Variants in PLG observed in about 807,000 individuals in gnomAD.
The protein encoded by PLG is plasmin.
PLG carries 41 observed loss-of-function variants against 104.4 expected under a neutral mutation model. The ratio of observed to expected loss-of-function variants is 0.39; its 90% confidence interval spans 0.31 to 0.51. The LOEUF (loss-of-function observed/expected upper bound fraction) is 0.51. Among genes scored for constraint, PLG ranks in the 20% least tolerant of loss-of-function variants. The probability of loss-of-function intolerance (pLI) is 0.76; values close to 1 mark genes in which losing one functional copy is unlikely to be tolerated. For missense variants in PLG, 891 were observed against 1,003.6 expected (o/e 0.89, Z 1.52); for synonymous variants, 337 against 357.1 (o/e 0.94, Z 0.63).
At chr6:160,729,925 C>T (rs1777973104) in intron 10 of PLG, among the ~76,000 whole-genome samples, 2 of 152,208 alleles carry the variant, frequency 1.3e-5, no homozygotes, top group African/African-American at 4.8e-5. Flanking sequence ...GTTTCAAATG[C>T]TCAGCCTTTT....
At position 160,731,735 on chromosome 6, in the gene PLG, C is replaced by T; in HGVS notation, c.1439-10C>T. The T allele has an allele frequency of 1.2e-6, 2 of 1,613,152 alleles. No homozygotes were observed. Among genetic ancestry groups the T allele is most frequent in the Non-Finnish European group, 8.5e-7 (1 of 1,179,314 alleles). The stretch of plus-strand genomic sequence containing the variant: ...GGCTCTTCATAATCATCCATTTTTT[C>T]CCTGTACAGACTGTATGTTTGGGAA... On this transcript the variant is annotated splice_polypyrimidine_tract_variant and intron_variant, in intron 11 of 18. Coordinates refer to ENST00000308192, the MANE Select transcript of PLG (RefSeq NM_000301.5). This position sits in a 1 kb window ranked among gnomAD's most constrained non-coding sequence, Gnocchi z 5.1.
At position 160,744,054 on chromosome 6, in the gene PLG, G is replaced by T. The variant is rs1393133769; in HGVS notation, c.2125+2637G>T. 6.6e-6 allele frequency among the ~76,000 whole-genome samples: 1 copy of T among 152,090 alleles called. No homozygotes were observed. The highest frequency in any genetic ancestry group is 1.9e-4 in the East Asian group (1 of 5,198). ...GGCTTTTTTATGTGCTGCTGGATTTGGTTTGCAAGTATTTTGTAAAGGATT... is the reference window on the plus strand; with the variant it reads ...GGCTTTTTTATGTGCTGCTGGATTTTGTTTGCAAGTATTTTGTAAAGGATT... On this transcript the variant is annotated intron_variant, in intron 17 of 18. Transcript: ENST00000308192. This position sits in a 1 kb window ranked among gnomAD's most constrained non-coding sequence, Gnocchi z 4.5.
At chr6:160,718,504 A>G (rs766317563) in intron 8 of PLG, 48 bp downstream of exon 8, 1 of 1,524,928 alleles carries the variant, frequency 6.6e-7, no homozygotes, top group Non-Finnish European at 9.1e-7. Context: ...GTGAAATCCC[A>G]TTGACTTTGC....
rs1777884314 is a variant in PLG at position 160,723,911 on chromosome 6, A to G, written c.1256+1344A>G. ...AGTAGGATTAGTGTATTCCTATAAT[A>G]AAGGCCACTCCAGAAACAGCATAGT... On this transcript the variant is annotated intron_variant, in intron 10 of 18. Coordinates refer to ENST00000308192, the MANE Select transcript of PLG (RefSeq NM_000301.5). The surrounding 1 kb of genome is among the most constrained non-coding windows in gnomAD (Gnocchi z 4.7). 1.3e-5 allele frequency among the ~76,000 whole-genome samples: 2 copies of G among 152,190 alleles called. No homozygotes were observed. Among genetic ancestry groups the G allele is most frequent in the African/African-American group, 2.4e-5 (1 of 41,454 alleles).
intron 8 of PLG, 76 bp downstream of exon 8, chr6:160,718,532 T>C: frequency 7.2e-7 from 1 of 1,388,518 alleles, no homozygotes; most frequent in East Asian, 2.3e-5. Context: ...TTAGTTACTG[T>C]AGGAACGCAG....
intron 4 of PLG, chr6:160,711,837 G>A (rs1260055206): frequency 6.6e-5 from 95 of 1,445,900 alleles, no homozygotes; most frequent in Non-Finnish European, 8.2e-5. Flanking sequence ...AAATTGTGGA[G>A]CAAAAGAGTA....
At chr6:160,716,815 A>C (rs774217296) in intron 7 of PLG, 52 bp downstream of exon 7, 1 of 1,076,420 alleles carries the variant, frequency 9.3e-7, no homozygotes, top group Non-Finnish European at 1.5e-6. Context: ...CCTGTTCTTG[A>C]AATCAAAAGA....
chr6:160,710,835 G>A (rs12527061), intron 3 of PLG, among the ~76,000 whole-genome samples: 55 of 152,272 alleles, frequency 3.6e-4, no homozygotes, highest in Middle Eastern at 3.4e-3. Flanking sequence ...ACTGTGCCCC[G>A]TGTGTCCCCA....
At chr6:160,703,600 G>C (rs1422222011) in intron 1 of PLG, among the ~76,000 whole-genome samples, 1 of 152,152 alleles carries the variant, frequency 6.6e-6, no homozygotes, top group East Asian at 1.9e-4. Flanking sequence ...AATTTTACAA[G>C]TTGCACTTTA....
rs199737099 is a variant in PLG at position 160,711,838 on chromosome 6, CA to C, written c.407+651del. On this transcript the variant is annotated intron_variant, in intron 4 of 18. Transcript: ENST00000308192. ...CACATGTTCGACTCAAATTGTGGAG[CA>C]AAAGAGTAAATAAGATATAAAAATG... 2,366 of 1,439,582 alleles carry C rather than the reference CA, an allele frequency of 1.6e-3. 36 individuals carry two copies. The African/African-American group carries it at 0.032, about 20-fold the overall frequency. The allele number at this position is 1,439,582 out of a possible 1,614,324, so 89.2% of individuals were successfully genotyped here.
chr6:160,719,953 G>T lies in PLG; in HGVS notation c.1096+1115G>T, dbSNP rs1165703282. On this transcript the variant is annotated intron_variant, in intron 9 of 18. Transcript: ENST00000308192. The surrounding 1 kb of genome is among the most constrained non-coding windows in gnomAD (Gnocchi z 4.1). ...TTATTTATTTATTTTACCATTTCTG[G>T]TGCTTCTCATCTACTGGGGTAGATC... 1.3e-5 allele frequency among the ~76,000 whole-genome samples: 2 copies of T among 151,946 alleles called. No individual in the cohort carries two copies. The highest frequency in any genetic ancestry group is 1.3e-4 in the Admixed American group (2 of 15,258).
Position 160,741,484 on chromosome 6 carries a change from C to T in PLG, c.2125+67C>T, listed in dbSNP as rs1778195186. On this transcript the variant is annotated intron_variant, in intron 17 of 18. Coordinates refer to ENST00000308192, the MANE Select transcript of PLG (RefSeq NM_000301.5). This position sits in a 1 kb window ranked among gnomAD's most constrained non-coding sequence, Gnocchi z 4.7. ...CCTACAGTCCATGTGACAAAATGATCATTTTGGAGAAAGCTGTGCAAATTC... is the reference window on the plus strand; with the variant it reads ...CCTACAGTCCATGTGACAAAATGATTATTTTGGAGAAAGCTGTGCAAATTC... 1.0e-6 allele frequency: 1 copy of T among 970,944 alleles called. No homozygotes were observed. Among genetic ancestry groups the T allele is most frequent in the Non-Finnish European group, 1.7e-6 (1 of 599,822 alleles). 60.1% of individuals were successfully genotyped at this position (970,944 alleles called of 1,614,324 possible). A position where few individuals can be genotyped will look rare whatever the true frequency, so the allele number is the denominator to read the frequency against.
chr6:160,738,995 C>G lies in PLG; in HGVS notation c.1878-73C>G. On this transcript the variant is annotated intron_variant, in intron 15 of 18. Coordinates refer to ENST00000308192, the MANE Select transcript of PLG (RefSeq NM_000301.5). The surrounding 1 kb of genome is among the most constrained non-coding windows in gnomAD (Gnocchi z 6.8). ...GGCCAAGGGTGTCAGGGAGACAGCA[C>G]CAATTTCATGGCACAGAGGTTACCT... 6.3e-7 allele frequency: 1 copy of G among 1,586,032 alleles called. No individual in the cohort carries two copies. The highest frequency in any genetic ancestry group is 1.7e-5 in the Admixed American group (1 of 59,962).
At position 160,702,323 on chromosome 6, in the gene PLG, G is replaced by T. The variant is rs751602282; in HGVS notation, c.19G>T (p.Val7Phe). 9 of 1,609,478 alleles carry T rather than the reference G, an allele frequency of 5.6e-6. No homozygotes were observed. Among genetic ancestry groups the T allele is most frequent in the Non-Finnish European group, 7.6e-6 (9 of 1,179,504 alleles). Residue 7 changes from valine (V) to phenylalanine (F), a missense_variant, in exon 1 of 19, where the codon GTT (valine) becomes TTT (phenylalanine). Around this residue, in one of 2 missense-constraint regions of PLG, gnomAD observed 854 missense variants for 932.1 expected, o/e 0.92. Coordinates refer to ENST00000308192, the MANE Select transcript of PLG (RefSeq NM_000301.5). MEHKEV[V>F]LLLLLFLKSG... ...TCCCAAAATGGAACATAAGGAAGTG[G>T]TTCTTCTACTTCTTTTATTTCTGAA...
chr6:160,739,600 A>G lies in PLG; in HGVS notation c.2018+392A>G, dbSNP rs1778153149. ...TATATTTGTTTCAAAGCACTTTAAA[A>G]ACCACAAGATCGAGTTGGGTGTCTG... is the stretch of plus-strand genomic sequence containing the variant. On this transcript the variant is annotated intron_variant, in intron 16 of 18. Transcript: ENST00000308192. The surrounding 1 kb of genome is among the most constrained non-coding windows in gnomAD (Gnocchi z 4.4). Among the ~76,000 whole-genome samples, 1 of 152,038 alleles carries G rather than the reference A, an allele frequency of 6.6e-6. No homozygotes were observed. The highest frequency in any genetic ancestry group is 2.4e-5 in the African/African-American group (1 of 41,396).
chr6:160,716,581 GAA>G, intron 6 of PLG, 62 bp from the exon 7 acceptor site: 1 of 1,007,470 alleles, frequency 9.9e-7, no homozygotes, highest in Non-Finnish European at 1.6e-6. Flanking sequence ...GTTTGCTCTT[GAA>G]AAAGAGTCTT....
rs753358926 is a variant in PLG at position 160,737,766 on chromosome 6, C to T, written c.1802+759C>T. On this transcript the variant is annotated intron_variant, in intron 14 of 18. Transcript: ENST00000308192. The surrounding 1 kb of genome is among the most constrained non-coding windows in gnomAD (Gnocchi z 4.7). Reference sequence around the variant, plus strand: ...TTTCCATAAGTTTGTGAAATGCCATCGACAAACCTGATCGCATTGCATTTC... The same window carrying T: ...TTTCCATAAGTTTGTGAAATGCCATTGACAAACCTGATCGCATTGCATTTC... Among the ~76,000 whole-genome samples, 2 of 152,284 alleles carry T rather than the reference C, an allele frequency of 1.3e-5. No homozygotes were observed. Among genetic ancestry groups the T allele is most frequent in the South Asian group, 2.1e-4 (1 of 4,808 alleles).
At position 160,738,240 on chromosome 6, in the gene PLG, T is replaced by C. The variant is rs959406883; in HGVS notation, c.1803-298T>C. Among the ~76,000 whole-genome samples the C allele has an allele frequency of 6.6e-6, 1 of 152,080 alleles. No individual in the cohort carries two copies. The highest frequency in any genetic ancestry group is 2.4e-5 in the African/African-American group (1 of 41,402). On this transcript the variant is annotated intron_variant, in intron 14 of 18. Coordinates refer to ENST00000308192, the MANE Select transcript of PLG (RefSeq NM_000301.5). This position sits in a 1 kb window ranked among gnomAD's most constrained non-coding sequence, Gnocchi z 6.8. ...TCTGTTGGAGTCCTGGGCTGTGGGG[T>C]GAAAGCCGTGGCTGTAGAGCTTCAT...
rs2115169468 is a variant in PLG, at chr6:160,725,670, T to C, written c.1256+3103T>C. Among the ~76,000 whole-genome samples the C allele has an allele frequency of 6.6e-6, 1 of 152,200 alleles. No individual in the cohort carries two copies. Among genetic ancestry groups the C allele is most frequent in the African/African-American group, 2.4e-5 (1 of 41,548 alleles). Reference sequence around the variant, plus strand: ...AAACATTGCACAGAAAAGGCAGAGATTATTAAGCTGAATAAAAATCAAAGC... The same window carrying C: ...AAACATTGCACAGAAAAGGCAGAGACTATTAAGCTGAATAAAAATCAAAGC... On this transcript the variant is annotated intron_variant, in intron 10 of 18. Coordinates refer to ENST00000308192, the MANE Select transcript of PLG (RefSeq NM_000301.5). This position sits in a 1 kb window ranked among gnomAD's most constrained non-coding sequence, Gnocchi z 6.3.
Sources: gnomAD v4.1 joint callset for allele counts (sites outside exome capture counted in the v4.1 genomes callset) on GRCh38, gnomAD v4.1.1 for gene constraint, gnomAD v4.1.1 regional missense constraint, Gnocchi (gnomAD v3.1) non-coding constraint, MANE v1.5 for transcripts, NCBI Gene and HGNC (gene_info 2026-07-23, HGNC 2026-07-21) for gene names.